CRADD: variants seen among roughly 807,000 people sequenced by gnomAD.
CRADD encodes the protein death domain-containing protein CRADD.
CRADD carries 9 observed loss-of-function variants against 15.5 expected under a neutral mutation model. The ratio of observed to expected loss-of-function variants is 0.58; its 90% CI spans 0.35 to 1.01. The LOEUF (loss-of-function observed/expected upper bound fraction) is 1.01. Among genes scored for constraint, CRADD ranks in the 50% least tolerant of loss-of-function variants. The pLI, the probability that CRADD is intolerant of heterozygous loss-of-function variation, is 0.02. For missense variants in CRADD, 227 were observed against 250.3 expected, an observed-to-expected ratio of 0.91 and a Z score of 0.63; for synonymous variants, 118 against 107.6, an observed-to-expected ratio of 1.10 and a Z score of -0.60.
intron 2 of CRADD, among the ~76,000 whole-genome samples, chr12:93,764,833 A>C (rs182861464): frequency 6.6e-6 from 1 of 151,550 alleles, no homozygotes; most frequent in East Asian, 1.9e-4. Flanking sequence ...ATTTTTCTGT[A>C]AGGAGGAATT....
At chr12:93,727,028 T>A (rs1251060956) in intron 2 of CRADD, among the ~76,000 whole-genome samples, 1 of 152,252 alleles carries the variant, frequency 6.6e-6, no homozygotes, top group Non-Finnish European at 1.5e-5. Context: ...ATTGCATCTT[T>A]CAGCAACAAC....
chr12:93,853,244 G>A (rs992936576), downstream of CRADD, among the ~76,000 whole-genome samples: 11 of 152,040 alleles, frequency 7.2e-5, no homozygotes, highest in Admixed American at 2.0e-4. Flanking sequence ...TACTCCAAAT[G>A]ATCTTTATAT....
intron 2 of CRADD, among the ~76,000 whole-genome samples, chr12:93,808,033 T>C (rs1345784282): frequency 8.6e-6 from 1 of 116,948 alleles, no homozygotes; most frequent in East Asian, 2.6e-4. Context: ...AGAGGTAGCA[T>C]GGGGGTAGTG....
chr12:93,732,059 G>T (rs538634853), intron 2 of CRADD, among the ~76,000 whole-genome samples: 1 of 151,588 alleles, frequency 6.6e-6, no homozygotes, highest in Admixed American at 6.6e-5. Flanking sequence ...TCGCTTGAAC[G>T]CAGGAGGTGG....
intron 2 of CRADD, among the ~76,000 whole-genome samples, chr12:93,889,284 T>C (rs1382856749): frequency 6.6e-6 from 1 of 152,076 alleles, no homozygotes; most frequent in Non-Finnish European, 1.5e-5. Flanking sequence ...GTGAGGTACA[T>C]AGAGAGATGC....
chr12:93,725,736 G>C (rs1956352029), intron 2 of CRADD, among the ~76,000 whole-genome samples: 1 of 152,200 alleles, frequency 6.6e-6, no homozygotes, highest in African/African-American at 2.4e-5. Context: ...TTGAGAAGCT[G>C]GGGAGATTTA....
rs59096792 is a variant in CRADD, at chr12:93,686,304, C to CAAAA, written c.298+7250_298+7253dup. 6.2e-4 allele frequency among the ~76,000 whole-genome samples: 41 copies of CAAAA among 65,982 alleles called. 1 individual carries two copies. The highest frequency in any genetic ancestry group is 5.9e-4 in the Non-Finnish European group (22 of 37,072). 43.3% of individuals were successfully genotyped at this position (65,982 alleles called of 152,430 possible). ...CAACAGAGTGAGACTCCATCCCCCC[C>CAAAA]AAAAAAAAAAAAAAAAAAAAAGAAA... On this transcript the variant is annotated intron_variant, in intron 2 of 2. Transcript: ENST00000332896.
At chr12:93,860,938 C>T (rs1958314844) in intron 2 of CRADD, among the ~76,000 whole-genome samples, 2 of 152,202 alleles carry the variant, frequency 1.3e-5, no homozygotes, top group South Asian at 4.1e-4. Flanking sequence ...ATAAAAGCCC[C>T]CTCCTCTCCT....
At chr12:93,793,268 A>G (rs1039562452) in intron 2 of CRADD, among the ~76,000 whole-genome samples, 1 of 152,222 alleles carries the variant, frequency 6.6e-6, no homozygotes, top group African/African-American at 2.4e-5. Context: ...CTAGAAATGT[A>G]CTACTTTTAG....
chr12:93,703,255 A>C (rs1383720820), intron 2 of CRADD, among the ~76,000 whole-genome samples: 6 of 152,218 alleles, frequency 3.9e-5, no homozygotes, highest in African/African-American at 1.4e-4. Flanking sequence ...TATTTGAATA[A>C]AAATTATGGT....
intron 2 of CRADD, among the ~76,000 whole-genome samples, chr12:93,809,010 G>A (rs925944746): frequency 6.6e-6 from 1 of 152,058 alleles, no homozygotes; most frequent in African/African-American, 2.4e-5. Flanking sequence ...CTTCTCCCAG[G>A]TTCAAGCGAT....
chr12:93,840,031 C>T (rs974948032), intron 2 of CRADD, among the ~76,000 whole-genome samples: 1 of 152,192 alleles, frequency 6.6e-6, no homozygotes, highest in Non-Finnish European at 1.5e-5. Flanking sequence ...ACTTTATCTC[C>T]ATGGGATCCA....
intron 2 of CRADD, among the ~76,000 whole-genome samples, chr12:93,865,606 A>C (rs1447104826): frequency 2.0e-5 from 3 of 151,990 alleles, no homozygotes; most frequent in Non-Finnish European, 4.4e-5. Flanking sequence ...TTTTTTGTAG[A>C]GATGACTATG....
In CRADD at chr12:93,746,505, T is replaced by C. The variant is rs1956753533; in HGVS notation, c.298+67433T>C. 2.0e-5 allele frequency among the ~76,000 whole-genome samples: 3 copies of C among 152,154 alleles called. 1 individual carries two copies. The South Asian group carries it at 6.2e-4, about 32-fold the overall frequency. ...GGAATGGGACGTGGAACCTGATAAT[T>C]TTTTTTGCAGAATGAAAACTTTTAT... On this transcript the variant is annotated intron_variant, in intron 2 of 2. Coordinates refer to ENST00000332896, the MANE Select transcript of CRADD (RefSeq NM_003805.5).
At chr12:93,788,194 C>G (rs1178926365) in intron 2 of CRADD, among the ~76,000 whole-genome samples, 1 of 152,160 alleles carries the variant, frequency 6.6e-6, no homozygotes, top group Non-Finnish European at 1.5e-5. Flanking sequence ...GTTTCTCAGG[C>G]TGGGGAGGCC....
intron 2 of CRADD, among the ~76,000 whole-genome samples, chr12:93,746,712 T>G (rs1382094439): frequency 6.6e-6 from 1 of 152,202 alleles, no homozygotes; most frequent in Non-Finnish European, 1.5e-5. Flanking sequence ...TCAAAGAGGT[T>G]AAATCTGAAT....
At chr12:93,717,373 A>G (rs1956180444) in intron 2 of CRADD, among the ~76,000 whole-genome samples, 1 of 152,134 alleles carries the variant, frequency 6.6e-6, no homozygotes, top group Non-Finnish European at 1.5e-5. Context: ...TTTAATTTTA[A>G]TGAAATCTAG....
At chr12:93,821,670 A>G (rs1306378918) in intron 2 of CRADD, among the ~76,000 whole-genome samples, 1 of 152,208 alleles carries the variant, frequency 6.6e-6, no homozygotes, top group Non-Finnish European at 1.5e-5. Flanking sequence ...AAACTAGACC[A>G]AAGAAGAAAG....
intron 2 of CRADD, chr12:93,815,271 T>C (rs1411350817): frequency 1.3e-5 from 2 of 152,198 alleles, no homozygotes; most frequent in Non-Finnish European, 2.9e-5. Context: ...TTTATTTTGC[T>C]CAGAACTTTA....
Sources: allele counts gnomAD v4.1 joint callset (sites outside exome capture counted in the v4.1 genomes callset), GRCh38; gene constraint gnomAD v4.1.1; transcripts MANE v1.5; gene names NCBI Gene and HGNC (gene_info 2026-07-23, HGNC 2026-07-21).